Variants in FREM2 observed in about 807,000 individuals in gnomAD.
The protein encoded by FREM2 is FRAS1 related extracellular matrix 2.
In FREM2, 119 loss-of-function variants were observed where a neutral mutation model predicts 219.9. The observed-to-expected ratio is 0.54, with a 90% confidence interval of 0.47 to 0.63. The LOEUF (loss-of-function observed/expected upper bound fraction) is 0.63. Among genes scored for constraint, FREM2 ranks in the 30% least tolerant of loss-of-function variants. FREM2 has a pLI of 0.00. For missense variants in FREM2, 4,030 were observed against 3,993.6 expected (o/e 1.01, Z -0.25); for synonymous variants, 1,562 against 1,522.8 (o/e 1.03, Z -0.60).
At chr13:38,716,894 T>A (rs1566115436) in intron 2 of FREM2, among the ~76,000 whole-genome samples, 1 of 152,150 alleles carries the variant, frequency 6.6e-6, no homozygotes, top group East Asian at 1.9e-4. Context: ...TAGACAAAAA[T>A]TTGAGTGAGA....
chr13:38,872,414 T>C (rs1878190099), intron 16 of FREM2, among the ~76,000 whole-genome samples: 1 of 152,180 alleles, frequency 6.6e-6, no homozygotes, highest in Admixed American at 6.5e-5. Context: ...AACTGTTTAC[T>C]TTAAATAGGT....
intron 6 of FREM2, among the ~76,000 whole-genome samples, chr13:38,824,944 C>CTAAGTT (rs1876219178): frequency 1.3e-5 from 2 of 151,626 alleles, no homozygotes; most frequent in African/African-American, 2.4e-5. Context: ...CAGCCTAAAC[C>CTAAGTT]CAGGCAGCTT....
chr13:38,829,339 T>C (rs1175003016), intron 6 of FREM2, among the ~76,000 whole-genome samples: 1 of 152,152 alleles, frequency 6.6e-6, no homozygotes, highest in Non-Finnish European at 1.5e-5. Flanking sequence ...AGTATGATGA[T>C]ATGGGCCTTC....
intron 14 of FREM2, among the ~76,000 whole-genome samples, chr13:38,861,044 C>G (rs142513244): frequency 6.6e-6 from 1 of 152,094 alleles, no homozygotes; most frequent in Non-Finnish European, 1.5e-5. Flanking sequence ...ATAACATTTA[C>G]TTGGTTTAAC....
In FREM2 at chr13:38,689,623, C is replaced by T. The variant is rs372457944; in HGVS notation, c.2279C>T (p.Thr760Ile). 28 of 1,613,828 alleles carry T rather than the reference C, an allele frequency of 1.7e-5. No homozygotes were observed. In the African/African-American group the frequency reaches 3.7e-4, roughly 22 times the overall value. ...AATCACCTGCCAGCCCCACTGGGTA[C>T]CTTGGTCTTGACTGACAACCCCTCA... ...DENHLPAPLG[T>I]LVLTDNPSVV... Residue 760 changes from threonine to isoleucine, a missense_variant, in exon 1 of 24, where the codon ACC becomes ATC. By Grantham distance (89) the Thr-to-Ile change is moderately conservative. Transcript: ENST00000280481.
chr13:38,824,890 CG>C (rs1266383852), intron 6 of FREM2, among the ~76,000 whole-genome samples: 3 of 151,500 alleles, frequency 2.0e-5, no homozygotes, highest in Non-Finnish European at 2.9e-5. Flanking sequence ...TGGGGAAGGA[CG>C]GTTTTCATTT....
Position 38,688,188 on chromosome 13 carries a change from A to G in FREM2, c.844A>G (p.Met282Val), listed in dbSNP as rs1016062641. The part of the protein sequence containing the change: ...SRSPNRDWIP[M>V]VVELRSRGAP... ...CTCACCAAACAGGGACTGGATACCC[A>G]TGGTGGTGGAGCTGCGTTCACGAGG... The change falls in exon 1 of 24, where the codon ATG becomes GTG. Residue 282 changes from methionine (M) to valine (V), a missense_variant. Physicochemically the swap from Met to Val is conservative, Grantham distance 21. Around this residue, in one of 2 missense-constraint regions of FREM2, gnomAD observed 3,102 missense variants for 2,950.7 expected, o/e 1.05. Coordinates refer to ENST00000280481, the MANE Select transcript of FREM2 (RefSeq NM_207361.6). 6.2e-7 allele frequency: 1 copy of G among 1,613,272 alleles called. No homozygotes were observed.
At chr13:38,827,015 A>C (rs1038989308) in intron 6 of FREM2, among the ~76,000 whole-genome samples, 1 of 152,084 alleles carries the variant, frequency 6.6e-6, no homozygotes, top group Non-Finnish European at 1.5e-5. Flanking sequence ...CTTTAATCAG[A>C]TTCTCATTAC....
chr13:38,721,000 AT>A (rs112345528), intron 2 of FREM2, among the ~76,000 whole-genome samples: 11 of 152,252 alleles, frequency 7.2e-5, no homozygotes, highest in African/African-American at 2.6e-4. Context: ...GATTAAAGAA[AT>A]TGTGAGTTTG....
At chr13:38,735,583 G>A (rs979535693) in intron 2 of FREM2, among the ~76,000 whole-genome samples, 4 of 151,836 alleles carry the variant, frequency 2.6e-5, no homozygotes, top group African/African-American at 9.7e-5. Flanking sequence ...GGAAATTATA[G>A]CAAGCGCTTA....
At chr13:38,748,726 G>T (rs1305337596) in intron 2 of FREM2, among the ~76,000 whole-genome samples, 3 of 152,044 alleles carry the variant, frequency 2.0e-5, no homozygotes, top group Non-Finnish European at 2.9e-5. Flanking sequence ...AGTTAACATA[G>T]AGTGATTTTT....
At position 38,739,923 on chromosome 13, in the gene FREM2, A is replaced by G. The variant is rs191059482; in HGVS notation, c.5264-24381A>G. 2.0e-5 allele frequency among the ~76,000 whole-genome samples: 3 copies of G among 152,300 alleles called. No individual in the cohort carries two copies. In the East Asian group the frequency reaches 5.8e-4, roughly 29 times the overall value. ...ATATCAAAACCTCACATTTACATAC[A>G]TAGCTAAGGCATGAGAGCCTTCAGA... On this transcript the variant is annotated intron_variant, in intron 2 of 23. Coordinates refer to ENST00000280481, the MANE Select transcript of FREM2 (RefSeq NM_207361.6).
intron 4 of FREM2, among the ~76,000 whole-genome samples, chr13:38,779,228 G>A (rs991807565): frequency 6.6e-6 from 1 of 151,938 alleles, no homozygotes; most frequent in Non-Finnish European, 1.5e-5. Flanking sequence ...GGCTTGTCGG[G>A]GGGTGGAGGG....
At chr13:38,779,363 C>T (rs1874018332) in intron 4 of FREM2, 2 of 151,674 alleles carry the variant, frequency 1.3e-5, no homozygotes, top group Non-Finnish European at 2.9e-5. Flanking sequence ...CCTACACGTT[C>T]TGCACTTGTA....
intron 2 of FREM2, among the ~76,000 whole-genome samples, chr13:38,745,568 C>T (rs1872433497): frequency 6.6e-6 from 1 of 152,190 alleles, no homozygotes; most frequent in Non-Finnish European, 1.5e-5. Context: ...AAAATGTCCT[C>T]CTTTCTCCCC....
Position 38,703,233 on chromosome 13 carries a change from T to G in FREM2, c.5263+5446T>G, listed in dbSNP as rs761264964. 3.4e-4 allele frequency among the ~76,000 whole-genome samples: 51 copies of G among 152,060 alleles called. 1 individual carries two copies. The highest frequency in any genetic ancestry group is 2.2e-4 in the Non-Finnish European group (15 of 67,990). On this transcript the variant is annotated intron_variant, in intron 2 of 23. Transcript: ENST00000280481. ...AAATCAAGGGCTGGAAAAATATAAA[T>G]AGAGTAAGTAGAAAAGAGAGGTCTG...
At chr13:38,756,786 C>T (rs1232117765) in intron 2 of FREM2, among the ~76,000 whole-genome samples, 2 of 151,708 alleles carry the variant, frequency 1.3e-5, no homozygotes, top group Non-Finnish European at 2.9e-5. Flanking sequence ...GGTGATCTGC[C>T]CGCCTCAGCC....
intron 2 of FREM2, among the ~76,000 whole-genome samples, chr13:38,732,189 T>C (rs1239911358): frequency 6.6e-6 from 1 of 152,218 alleles, no homozygotes; most frequent in Non-Finnish European, 1.5e-5. Flanking sequence ...TGACAAAATG[T>C]CATATCTTAG....
chr13:38,826,476 A>G (rs1876292483), intron 6 of FREM2, among the ~76,000 whole-genome samples: 1 of 152,112 alleles, frequency 6.6e-6, no homozygotes, highest in Non-Finnish European at 1.5e-5. Flanking sequence ...AGGAAGAAGG[A>G]TCTCACAATA....
Sources: gnomAD v4.1 joint callset for allele counts (sites outside exome capture counted in the v4.1 genomes callset) on GRCh38, gnomAD v4.1.1 for gene constraint, gnomAD v4.1.1 regional missense constraint, MANE v1.5 for transcripts, NCBI Gene and HGNC (gene_info 2026-07-23, HGNC 2026-07-21) for gene names.